ESR1: variants seen among roughly 807,000 people sequenced by gnomAD.
ESR1 encodes the protein estrogen receptor.
A neutral mutation model predicts 52.7 loss-of-function variants in ESR1; 12 were observed. The observed-to-expected ratio is 0.23, with a 90% CI of 0.15 to 0.37. ESR1 has a LOEUF of 0.37. ESR1 is among the 10% of genes least tolerant of loss of function. The pLI, the probability that ESR1 is intolerant of heterozygous loss-of-function variation, is 1.00. For missense variants in ESR1, 584 were observed against 779.7 expected (o/e 0.75, Z 2.99); for synonymous variants, 305 against 316.8 (o/e 0.96, Z 0.39).
At chr6:151,805,908 G>C (rs1323542518), upstream of ESR1, 1 of 152,238 alleles carries the variant, frequency 6.6e-6, no homozygotes, top group African/African-American at 2.4e-5. Context: ...TCCTAGCAGG[G>C]AGATGAGGAT....
At chr6:152,018,737 G>A (rs1429306861) in intron 5 of ESR1, among the ~76,000 whole-genome samples, 1 of 151,944 alleles carries the variant, frequency 6.6e-6, no homozygotes, top group African/African-American at 2.4e-5. Context: ...TAGGCCCTGG[G>A]CCCTTGAAGG....
chr6:151,898,668 C>T (rs1399614407), intron 3 of ESR1, among the ~76,000 whole-genome samples: 2 of 152,122 alleles, frequency 1.3e-5, no homozygotes, highest in Non-Finnish European at 2.9e-5. Flanking sequence ...TTAATCCATT[C>T]AACCCTGAGT....
chr6:151,826,584 TC>T (rs1239631093), intron 1 of ESR1, among the ~76,000 whole-genome samples: 2 of 152,232 alleles, frequency 1.3e-5, no homozygotes, highest in African/African-American at 4.8e-5. Flanking sequence ...GGATCCTTGT[TC>T]TTCCTCCTTG....
chr6:151,907,272 C>G (rs553627059), intron 3 of ESR1, among the ~76,000 whole-genome samples: 3 of 152,126 alleles, frequency 2.0e-5, no homozygotes, highest in African/African-American at 7.2e-5. Flanking sequence ...TTGCATTAAA[C>G]TTATAAATTA....
intron 2 of ESR1, among the ~76,000 whole-genome samples, chr6:151,766,117 A>C (rs1161375793): frequency 2.0e-5 from 3 of 152,344 alleles, no homozygotes; most frequent in South Asian, 4.1e-4. Flanking sequence ...GTGTTGAAAG[A>C]AATTAACAAT....
chr6:151,967,205 G>C (rs1335954353), intron 4 of ESR1, among the ~76,000 whole-genome samples: 1 of 151,900 alleles, frequency 6.6e-6, no homozygotes, highest in Non-Finnish European at 1.5e-5. Flanking sequence ...TAATTATACT[G>C]TAAGTTCTGG....
chr6:151,798,843 TAAGC>T (rs1776956365), intron 2 of ESR1, among the ~76,000 whole-genome samples: 1 of 152,226 alleles, frequency 6.6e-6, no homozygotes, highest in African/African-American at 2.4e-5. Flanking sequence ...TATACAGATA[TAAGC>T]ATGAGACCTA....
chr6:151,948,419 A>G (rs1562583554), intron 4 of ESR1, among the ~76,000 whole-genome samples: 1 of 152,174 alleles, frequency 6.6e-6, no homozygotes, highest in Non-Finnish European at 1.5e-5. Flanking sequence ...CTTATAACCC[A>G]AAGTGTAGCA....
At chr6:152,079,722 G>T (rs12527445) in intron 6 of ESR1, among the ~76,000 whole-genome samples, 8,226 of 152,176 alleles carry the variant, frequency 0.054, 299 homozygotes, top group South Asian at 0.13. Flanking sequence ...CTAACCCATC[G>T]CAAGGAGGCT....
chr6:151,709,916 T>C (rs940401140), intron 2 of ESR1, among the ~76,000 whole-genome samples: 1 of 151,622 alleles, frequency 6.6e-6, no homozygotes, highest in Non-Finnish European at 1.5e-5. Context: ...CCACCTCCTA[T>C]TTTCTAAAAT....
intron 3 of ESR1, among the ~76,000 whole-genome samples, chr6:151,912,566 A>G (rs1036673038): frequency 1.3e-5 from 2 of 152,220 alleles, no homozygotes; most frequent in African/African-American, 4.8e-5. Context: ...ATTACCTTGT[A>G]CTATGATATT....
At chr6:151,900,787 C>T (rs1258548187) in intron 3 of ESR1, among the ~76,000 whole-genome samples, 2 of 152,234 alleles carry the variant, frequency 1.3e-5, no homozygotes, top group Non-Finnish European at 2.9e-5. Context: ...GAGTCCTGTG[C>T]TATGGGCTGT....
intron 4 of ESR1, among the ~76,000 whole-genome samples, chr6:151,946,659 TA>T (rs1171107402): frequency 1.3e-5 from 2 of 151,912 alleles, no homozygotes; most frequent in Admixed American, 6.6e-5. Context: ...ACTTGATAAT[TA>T]AAAAAAAGAA....
chr6:151,768,382 C>T (rs915447306), intron 2 of ESR1, among the ~76,000 whole-genome samples: 4 of 152,152 alleles, frequency 2.6e-5, no homozygotes, highest in Non-Finnish European at 4.4e-5. Context: ...CTGGCTAGAA[C>T]TCTTCAAAAT....
intron 2 of ESR1, among the ~76,000 whole-genome samples, chr6:151,880,005 G>A (rs369840092): frequency 2.3e-4 from 35 of 152,134 alleles, no homozygotes; most frequent in African/African-American, 8.2e-4. Flanking sequence ...AGCAGTCTTG[G>A]TAAAACCAAA....
At chr6:151,899,293 G>A in intron 3 of ESR1, among the ~76,000 whole-genome samples, 1 of 136,076 alleles carries the variant, frequency 7.3e-6, no homozygotes. Context: ...GGCTGGCCGG[G>A]CGGGGGGCTG....
intron 3 of ESR1, among the ~76,000 whole-genome samples, chr6:151,909,143 T>G (rs1357324168): frequency 6.6e-6 from 1 of 152,222 alleles, no homozygotes; most frequent in African/African-American, 2.4e-5. Flanking sequence ...TTAGAGACGG[T>G]TAGCTTAGCT....
At chr6:151,765,583 G>A (rs750773768) in intron 2 of ESR1, among the ~76,000 whole-genome samples, 3 of 152,064 alleles carry the variant, frequency 2.0e-5, no homozygotes, top group Non-Finnish European at 2.9e-5. Context: ...GATCCAGTAG[G>A]TTCTCCACCT....
chr6:151,954,129 T>C (rs1196399382), intron 4 of ESR1, among the ~76,000 whole-genome samples: 2 of 152,210 alleles, frequency 1.3e-5, no homozygotes. Context: ...AAATTAACTG[T>C]TCTTGATTGG....
Sources: gnomAD v4.1 joint callset for allele counts (sites outside exome capture counted in the v4.1 genomes callset) on GRCh38, gnomAD v4.1.1 for gene constraint, MANE v1.5 for transcripts, NCBI Gene and HGNC (gene_info 2026-07-23, HGNC 2026-07-21) for gene names.